The following CCND2 variants were observed in gnomAD, a reference collection of about 807,000 sequenced individuals.
The protein encoded by CCND2 is G1/S-specific cyclin-D2.
CCND2 carries 6 observed loss-of-function variants against 30.2 expected under a neutral mutation model. The ratio of observed to expected loss-of-function variants is 0.20; its 90% CI spans 0.11 to 0.39. CCND2 has a LOEUF of 0.39. CCND2 is among the 10% of genes least tolerant of loss of function. CCND2 has a pLI of 1.00. For synonymous variants in CCND2, 150 were observed against 153.1 expected (o/e 0.98, Z 0.15); for missense variants, 235 against 373.4 (o/e 0.63, Z 3.06).
chr12:4,284,350 G>T (rs1324526885), intron 3 of CCND2, among the ~76,000 whole-genome samples: 5 of 152,224 alleles, frequency 3.3e-5, no homozygotes, highest in African/African-American at 9.7e-5. Context: ...CACACACTTG[G>T]TAGGTGGTGG....
intron 3 of CCND2, among the ~76,000 whole-genome samples, chr12:4,280,079 G>C (rs1381237243): frequency 6.9e-6 from 1 of 144,932 alleles, no homozygotes; most frequent in Non-Finnish European, 1.5e-5. Context: ...CTCTGAACCC[G>C]AGCTTCTTCA....
At chr12:4,297,736 G>T in intron 4 of CCND2, 1 of 317,568 alleles carries the variant, frequency 3.1e-6, no homozygotes, top group Non-Finnish European at 6.7e-6. Flanking sequence ...AGCCCCATGT[G>T]ATTTATCGTC....
In CCND2 at chr12:4,305,063, GTACTC is replaced by G. The variant is rs1864298237; in HGVS notation, c.*5057_*5061del. ...CAAGTCCATGTTATTCTCTCACAGT[GTACTC>G]TATAAGAGGTGTGGGTGTCTGTTTG... On this transcript the variant is annotated 3_prime_UTR_variant, in exon 5 of 5. Coordinates refer to ENST00000261254, the MANE Select transcript of CCND2 (RefSeq NM_001759.4). The surrounding 1 kb of genome is among the most constrained non-coding windows in gnomAD (Gnocchi z 6.4). 4.3e-6 allele frequency: 1 copy of G among 230,338 alleles called. No individual in the cohort carries two copies. Among genetic ancestry groups the G allele is most frequent in the Non-Finnish European group, 8.5e-6 (1 of 117,280 alleles). The allele number at this position is 230,338 out of a possible 1,614,324, so 14.3% of individuals were successfully genotyped here.
In CCND2 at chr12:4,301,505, C is replaced by T. The variant is rs985574304; in HGVS notation, c.*1496C>T. 3.8e-4 allele frequency: 85 copies of T among 226,302 alleles called. No homozygotes were observed. The highest frequency in any genetic ancestry group is 1.2e-4 in the Admixed American group (2 of 17,218). The allele number at this position is 226,302 out of a possible 1,614,324, so 14.0% of individuals were successfully genotyped here. ...TTTTTTTTTGCACAATTGTAATTGA[C>T]AGGTAATGAAGCTATTTGTTAAAAT... On this transcript the variant is annotated 3_prime_UTR_variant, in exon 5 of 5. Transcript: ENST00000261254.
chr12:4,278,227 C>G (rs889705632), intron 2 of CCND2, among the ~76,000 whole-genome samples: 10 of 152,188 alleles, frequency 6.6e-5, no homozygotes, highest in Non-Finnish European at 1.5e-4. Flanking sequence ...GATAAAGGCA[C>G]TTTTTGGCAC....
rs961791516 is a variant in CCND2, at chr12:4,294,476, C to T, written c.721-5384C>T. ...TGCAGGAAAGCTGATGTCCTAGAGC[C>T]GCCACACTTGACATGCGTGTAACAC... On this transcript the variant is annotated intron_variant, in intron 4 of 4. Transcript: ENST00000261254. Among the ~76,000 whole-genome samples the T allele has an allele frequency of 3.9e-5, 6 of 152,152 alleles. No individual in the cohort carries two copies. In the East Asian group the frequency reaches 7.7e-4, roughly 20 times the overall value.
rs1344939362 is a variant in CCND2, at chr12:4,278,878, T to C, written c.530T>C (p.Ile177Thr). Residue 177 changes from isoleucine to threonine, a missense_variant, in exon 3 of 5, where the codon ATC (isoleucine) becomes ACC (threonine). Ile to Thr is a moderately conservative substitution (Grantham distance 89). Coordinates refer to ENST00000261254, the MANE Select transcript of CCND2 (RefSeq NM_001759.4). ...CAGCAGCGGGAGAAGCTGTCTCTGA[T>C]CCGCAAGCATGCTCAGACCTTCATT... ...LPQQREKLSL[I>T]RKHAQTFIAL... 6.2e-7 allele frequency: 1 copy of C among 1,613,984 alleles called. No individual in the cohort carries two copies. Among genetic ancestry groups the C allele is most frequent in the African/African-American group, 1.3e-5 (1 of 74,940 alleles).
At chr12:4,290,169 C>T (rs1438090422) in intron 4 of CCND2, among the ~76,000 whole-genome samples, 4 of 152,226 alleles carry the variant, frequency 2.6e-5, no homozygotes, top group Admixed American at 6.5e-5. Flanking sequence ...AGAGAGCCCA[C>T]GGCTGCAGCT....
chr12:4,278,379 A>C (rs1157710544), intron 2 of CCND2, among the ~76,000 whole-genome samples: 1 of 152,104 alleles, frequency 6.6e-6, no homozygotes, highest in Non-Finnish European at 1.5e-5. Context: ...AATTACCATG[A>C]AAGGGCCACA....
At position 4,305,059 on chromosome 12, in the gene CCND2, C is replaced by G. The variant is rs1864298157; in HGVS notation, c.*5050C>G. 8.6e-6 allele frequency: 2 copies of G among 231,358 alleles called. No individual in the cohort carries two copies. Among genetic ancestry groups the G allele is most frequent in the Non-Finnish European group, 1.7e-5 (2 of 117,296 alleles). The allele number at this position is 231,358 out of a possible 1,614,324, so 14.3% of individuals were successfully genotyped here. ...ATATCAAGTCCATGTTATTCTCTCA[C>G]AGTGTACTCTATAAGAGGTGTGGGT... On this transcript the variant is annotated 3_prime_UTR_variant, in exon 5 of 5. Transcript: ENST00000261254. This position sits in a 1 kb window ranked among gnomAD's most constrained non-coding sequence, Gnocchi z 6.4.
chr12:4,291,649 A>C (rs1273511314), intron 4 of CCND2, among the ~76,000 whole-genome samples: 2 of 152,208 alleles, frequency 1.3e-5, no homozygotes, highest in Non-Finnish European at 2.9e-5. Context: ...AACCCAAAAG[A>C]AGGAGCTCAT....
At position 4,274,923 on chromosome 12, in the gene CCND2, G is replaced by A. The variant is rs1863844397; in HGVS notation, c.195+688G>A. The stretch of plus-strand genomic sequence containing the variant: ...TTTGCAAACTCCCTTTGGAAAGGCT[G>A]GGAAACGTCGCCCGCTTACCCTCGC... On this transcript the variant is annotated intron_variant, in intron 1 of 4. Coordinates refer to ENST00000261254, the MANE Select transcript of CCND2 (RefSeq NM_001759.4). This position sits in a 1 kb window ranked among gnomAD's most constrained non-coding sequence, Gnocchi z 7.7. The A allele has an allele frequency of 1.3e-5, 2 of 152,392 alleles. No homozygotes were observed. The highest frequency in any genetic ancestry group is 2.9e-5 in the Non-Finnish European group (2 of 68,210). The allele number at this position is 152,392 out of a possible 1,614,324, so 9.4% of individuals were successfully genotyped here.
chr12:4,305,047 G>A lies in CCND2; in HGVS notation c.*5038G>A, dbSNP rs141438670. On this transcript the variant is annotated 3_prime_UTR_variant, in exon 5 of 5. Coordinates refer to ENST00000261254, the MANE Select transcript of CCND2 (RefSeq NM_001759.4). This position sits in a 1 kb window ranked among gnomAD's most constrained non-coding sequence, Gnocchi z 6.4. ...AAGTGTGATGCCATATCAAGTCCAT[G>A]TTATTCTCTCACAGTGTACTCTATA... 1.6e-3 allele frequency: 364 copies of A among 226,612 alleles called. 4 individuals carry two copies. In the East Asian group the frequency reaches 0.021, roughly 13 times the overall value. 14.0% of individuals were successfully genotyped at this position (226,612 alleles called of 1,614,324 possible).
chr12:4,298,437 G>A (rs1487918982), intron 4 of CCND2, among the ~76,000 whole-genome samples: 3 of 152,154 alleles, frequency 2.0e-5, no homozygotes, highest in Admixed American at 2.0e-4. Flanking sequence ...TTTAAAGATC[G>A]GGAGCTTGCT....
intron 3 of CCND2, among the ~76,000 whole-genome samples, chr12:4,283,817 GGTTAGA>G (rs760893475): frequency 2.0e-5 from 3 of 152,186 alleles, no homozygotes; most frequent in Non-Finnish European, 4.4e-5. Context: ...GAATGTGCTG[GGTTAGA>G]GTTGCCAACT....
intron 4 of CCND2, among the ~76,000 whole-genome samples, chr12:4,291,608 G>A (rs1293135347): frequency 2.6e-5 from 4 of 152,120 alleles, no homozygotes; most frequent in African/African-American, 7.2e-5. Flanking sequence ...GCTACGTAAC[G>A]TGTTACGAAC....
intron 4 of CCND2, among the ~76,000 whole-genome samples, chr12:4,291,596 G>A (rs533541473): frequency 6.6e-6 from 1 of 152,240 alleles, no homozygotes; most frequent in South Asian, 2.1e-4. Flanking sequence ...AAACAAAGGT[G>A]TGCTACGTAA....
In CCND2 at chr12:4,302,068, A is replaced by G. The variant is rs1864257763; in HGVS notation, c.*2059A>G. ...GCTTTTGTTTTCATAATACCTCACAACCGTACAGTTTCTGCTTGGGAGCCC... is the reference window on the plus strand; with the variant it reads ...GCTTTTGTTTTCATAATACCTCACAGCCGTACAGTTTCTGCTTGGGAGCCC... On this transcript the variant is annotated 3_prime_UTR_variant, in exon 5 of 5. Coordinates refer to ENST00000261254, the MANE Select transcript of CCND2 (RefSeq NM_001759.4). 4.3e-6 allele frequency: 1 copy of G among 232,142 alleles called. No homozygotes were observed. Among genetic ancestry groups the G allele is most frequent in the Non-Finnish European group, 8.5e-6 (1 of 117,662 alleles). 14.4% of individuals were successfully genotyped at this position (232,142 alleles called of 1,614,324 possible).
Position 4,276,925 on chromosome 12 carries a change from G to A in CCND2, c.411+705G>A, listed in dbSNP as rs1367555473. ...AAGACGACCATATTGCAGCTGTACC[G>A]CATGGAATAGCGGCTCCAAGGCCCA... is the stretch of plus-strand genomic sequence containing the variant. On this transcript the variant is annotated intron_variant, in intron 2 of 4. Transcript: ENST00000261254. This position sits in a 1 kb window ranked among gnomAD's most constrained non-coding sequence, Gnocchi z 4.8. Among the ~76,000 whole-genome samples, 1 of 152,190 alleles carries A rather than the reference G, an allele frequency of 6.6e-6. No homozygotes were observed. The highest frequency in any genetic ancestry group is 1.5e-5 in the Non-Finnish European group (1 of 68,042).
Sources: gnomAD v4.1 joint callset for allele counts (sites outside exome capture counted in the v4.1 genomes callset) on GRCh38, gnomAD v4.1.1 for gene constraint, Gnocchi (gnomAD v3.1) non-coding constraint, MANE v1.5 for transcripts, NCBI Gene and HGNC (gene_info 2026-07-23, HGNC 2026-07-21) for gene names.